Variants in KCTD16 observed in about 807,000 individuals in gnomAD.
KCTD16 encodes potassium channel tetramerization domain containing 16.
KCTD16 carries 13 observed loss-of-function variants against 33.2 expected under a neutral mutation model. The ratio of observed to expected loss-of-function variants is 0.39; its 90% CI spans 0.25 to 0.62. The LOEUF is 0.62. Among genes scored for constraint, KCTD16 ranks in the 20% least tolerant of loss-of-function variants. The probability of loss-of-function intolerance (pLI) is 0.50; values close to 1 mark genes in which losing one functional copy is unlikely to be tolerated. For synonymous variants in KCTD16, 197 were observed against 195.3 expected (o/e 1.01, Z -0.07); for missense variants, 441 against 525.1 (o/e 0.84, Z 1.57).
At chr5:144,422,477 C>A (rs1447546554) in intron 3 of KCTD16, among the ~76,000 whole-genome samples, 4 of 152,174 alleles carry the variant, frequency 2.6e-5, no homozygotes, top group Non-Finnish European at 5.9e-5. Flanking sequence ...AAACTTTCAG[C>A]AAGTGCTATT....
intron 3 of KCTD16, among the ~76,000 whole-genome samples, chr5:144,255,517 G>A (rs1280882930): frequency 6.6e-6 from 1 of 152,152 alleles, no homozygotes; most frequent in Admixed American, 6.5e-5. Context: ...TTAATGATAT[G>A]CATCCTGGTA....
At chr5:144,455,166 A>G (rs1754033025) in intron 3 of KCTD16, among the ~76,000 whole-genome samples, 1 of 151,810 alleles carries the variant, frequency 6.6e-6, no homozygotes, top group Admixed American at 6.6e-5. Context: ...CCCCCAACAG[A>G]GGCGCATTGA....
Position 144,174,359 on chromosome 5 carries a change from T to C in KCTD16, c.-440T>C, listed in dbSNP as rs1329955030. 20 of 152,180 alleles carry C rather than the reference T, an allele frequency of 1.3e-4. No homozygotes were observed. The highest frequency in any genetic ancestry group is 1.0e-3 in the Admixed American group (16 of 15,276). The allele number at this position is 152,180 out of a possible 1,614,324, so 9.4% of individuals were successfully genotyped here. On this transcript the variant is annotated 5_prime_UTR_variant, in exon 2 of 4. Transcript: ENST00000512467. ...AAAATTATGGTTTGAACATGGGCAG[T>C]TTTCTCCTACCGTCAGCTATATCCA...
At chr5:144,340,701 T>A (rs1224002237) in intron 3 of KCTD16, among the ~76,000 whole-genome samples, 1 of 152,090 alleles carries the variant, frequency 6.6e-6, no homozygotes, top group Non-Finnish European at 1.5e-5. Context: ...CTCCACCCTG[T>A]GAGGACACAG....
intron 3 of KCTD16, among the ~76,000 whole-genome samples, chr5:144,381,961 A>C (rs918938123): frequency 6.6e-6 from 1 of 152,172 alleles, no homozygotes; most frequent in African/African-American, 2.4e-5. Context: ...AATAGCAAAG[A>C]TATGGAATCA....
chr5:144,259,675 G>A (rs566864600), intron 3 of KCTD16, among the ~76,000 whole-genome samples: 1 of 152,194 alleles, frequency 6.6e-6, no homozygotes, highest in Non-Finnish European at 1.5e-5. Flanking sequence ...CTCAGTGGAT[G>A]CTCAGGAAAT....
In KCTD16 at chr5:144,478,512, G is replaced by C. The variant is rs958418539; in HGVS notation, c.*4398G>C. ...TTTTAATAGTGTTTTTTAATACTCA[G>C]TATGCACAAAAATCATGTGTAGCAC... On this transcript the variant is annotated 3_prime_UTR_variant, in exon 4 of 4. Coordinates refer to ENST00000512467, the MANE Select transcript of KCTD16 (RefSeq NM_020768.4). 1 of 151,988 alleles carries C rather than the reference G, an allele frequency of 6.6e-6. No homozygotes were observed. The highest frequency in any genetic ancestry group is 2.4e-5 in the African/African-American group (1 of 41,398). The allele number at this position is 151,988 out of a possible 1,614,324, so 9.4% of individuals were successfully genotyped here. A position where few individuals can be genotyped will look rare whatever the true frequency, so the allele number is the denominator to read the frequency against.
intron 3 of KCTD16, among the ~76,000 whole-genome samples, chr5:144,396,903 CTTTA>C (rs1752578610): frequency 8.9e-6 from 1 of 112,422 alleles, no homozygotes; most frequent in Non-Finnish European, 1.7e-5. Flanking sequence ...GCTGAATTCA[CTTTA>C]TTTATTATAT....
Position 144,425,700 on chromosome 5 carries a change from C to T in KCTD16, c.833-47960C>T, listed in dbSNP as rs573604506. On this transcript the variant is annotated intron_variant, in intron 3 of 3. Transcript: ENST00000512467. ...TGTACCACGCCTGGACTCACTTGAG[C>T]CATGACTGAGGCAAAAGAAGCACTG... is the stretch of plus-strand genomic sequence containing the variant. Among the ~76,000 whole-genome samples the T allele has an allele frequency of 7.9e-4, 120 of 152,138 alleles. 1 individual carries two copies. The highest frequency in any genetic ancestry group is 2.8e-3 in the African/African-American group (117 of 41,522).
intron 3 of KCTD16, among the ~76,000 whole-genome samples, chr5:144,433,087 C>G (rs1268347035): frequency 1.3e-5 from 2 of 152,116 alleles, no homozygotes. Flanking sequence ...AAAACCTGCT[C>G]TTCTATCTTC....
chr5:144,248,480 G>C (rs1754609589), intron 3 of KCTD16, among the ~76,000 whole-genome samples: 1 of 152,198 alleles, frequency 6.6e-6, no homozygotes. Context: ...TGAGGAATTT[G>C]ATTTTGTCTC....
intron 3 of KCTD16, among the ~76,000 whole-genome samples, chr5:144,353,270 G>A (rs1751487739): frequency 6.6e-6 from 1 of 152,082 alleles, no homozygotes. Context: ...TTCTGTGTGG[G>A]GAATACTCTG....
intron 3 of KCTD16, among the ~76,000 whole-genome samples, chr5:144,238,525 T>C (rs1754316041): frequency 6.6e-6 from 1 of 152,134 alleles, no homozygotes; most frequent in South Asian, 2.1e-4. Flanking sequence ...AGAGTCAGGA[T>C]TGAAACTTCT....
chr5:144,465,188 C>CG (rs1335427886), intron 3 of KCTD16, among the ~76,000 whole-genome samples: 6 of 63,672 alleles, frequency 9.4e-5, no homozygotes, highest in East Asian at 2.5e-3. Context: ...CTCTCCCCCC[C>CG]CTCTCTCTCT....
chr5:144,465,183 C>CA (rs1754295147), intron 3 of KCTD16, among the ~76,000 whole-genome samples: 1 of 96,492 alleles, frequency 1.0e-5, no homozygotes, highest in Admixed American at 1.2e-4. Context: ...TCTCTCTCTC[C>CA]CCCCCCTCTC....
intron 3 of KCTD16, among the ~76,000 whole-genome samples, chr5:144,358,296 T>A (rs1456300937): frequency 1.3e-5 from 2 of 151,946 alleles, no homozygotes; most frequent in East Asian, 3.9e-4. Context: ...AAAATGGAAT[T>A]TATAGGGATT....
intron 3 of KCTD16, among the ~76,000 whole-genome samples, chr5:144,336,414 A>G (rs1246635529): frequency 6.6e-6 from 1 of 152,226 alleles, no homozygotes; most frequent in Non-Finnish European, 1.5e-5. Flanking sequence ...CAGGAAGAGC[A>G]TCTGCATGTG....
intron 3 of KCTD16, among the ~76,000 whole-genome samples, chr5:144,317,591 G>A (rs139869083): frequency 3.3e-4 from 50 of 152,244 alleles, no homozygotes; most frequent in Non-Finnish European, 5.3e-4. Context: ...CCAAATGAGC[G>A]TGCCATTTTG....
intron 3 of KCTD16, among the ~76,000 whole-genome samples, chr5:144,281,542 A>G (rs961426833): frequency 6.6e-6 from 1 of 151,992 alleles, no homozygotes. Context: ...TTTTTTTATT[A>G]TGATCAGAGA....
Sources: allele counts gnomAD v4.1 joint callset (sites outside exome capture counted in the v4.1 genomes callset), GRCh38; gene constraint gnomAD v4.1.1; transcripts MANE v1.5; gene names NCBI Gene and HGNC (gene_info 2026-07-23, HGNC 2026-07-21).